Variants in CELSR1 observed in about 807,000 individuals in gnomAD.
CELSR1 encodes cadherin EGF LAG seven-pass G-type receptor 1, also known as adhesion G protein-coupled receptor C1.
A neutral mutation model predicts 249.1 loss-of-function variants in CELSR1; 110 were observed. That is an observed-to-expected ratio of 0.44 (90% CI 0.38 to 0.52). The LOEUF (loss-of-function observed/expected upper bound fraction) is 0.52. Ranked by LOEUF, CELSR1 falls within the 20% of genes least tolerant of loss-of-function variation. The pLI, the probability that CELSR1 is intolerant of heterozygous loss-of-function variation, is 0.00. For synonymous variants in CELSR1, 2,113 were observed against 1,900.0 expected (o/e 1.11, Z -2.92); for missense variants, 4,109 against 4,296.4 (o/e 0.96, Z 1.22).
chr22:46,535,850 C>T lies in CELSR1; in HGVS notation c.1321G>A (p.Ala441Thr), dbSNP rs2080847810. The change falls in exon 1 of 35, where the codon GCC becomes ACC. Residue 441 changes from alanine to threonine, a missense_variant. Ala to Thr is a moderately conservative substitution (Grantham distance 58, BLOSUM62 0). Coordinates refer to ENST00000674500, the MANE Select transcript of CELSR1 (RefSeq NM_001378328.1). ...ACCTCGATGTACACGGTGGCCGTGG[C>T]ACTGAGCGGGCCCGGATTGCGCCCC... Reference protein sequence around the residue: ...DQGRNPGPLSATATVYIEVED... With the variant: ...DQGRNPGPLSTTATVYIEVED... 1 of 1,611,480 alleles carries T rather than the reference C, an allele frequency of 6.2e-7. No individual in the cohort carries two copies. The highest frequency in any genetic ancestry group is 2.2e-5 in the East Asian group (1 of 44,876).
rs1181545024 is a variant in CELSR1 at position 46,397,824 on chromosome 22, T to C, written c.5551A>G (p.Thr1851Ala). 3.8e-6 allele frequency: 6 copies of C among 1,586,210 alleles called. No homozygotes were observed. In the East Asian group the frequency reaches 1.1e-4, roughly 30 times the overall value. The change falls in exon 12 of 35, where the codon ACC (threonine) becomes GCC (alanine). Residue 1851 changes from threonine to alanine, a missense_variant. By Grantham distance (58) the Thr-to-Ala change is moderately conservative (BLOSUM62 0). Transcript: ENST00000674500. ...MQGVRMGGTP[T>A]NVATLNMNNA... is the part of the protein sequence containing the mutation. ...TTCATGTTCAGGGTGGCGACGTTGG[T>C]GGGCGTCCCCCCCATCCTCACTCCC...
At chr22:46,376,843 C>T (rs1013699041) in intron 24 of CELSR1, among the ~76,000 whole-genome samples, 1 of 151,914 alleles carries the variant, frequency 6.6e-6, no homozygotes, top group African/African-American at 2.4e-5. Context: ...AAGGGCCCCC[C>T]ATCTCCCAAT....
intron 1 of CELSR1, among the ~76,000 whole-genome samples, chr22:46,475,580 G>A (rs2080199779): frequency 1.3e-5 from 2 of 150,620 alleles, no homozygotes; most frequent in Non-Finnish European, 1.5e-5. Context: ...TGCATTTAAT[G>A]CCACTGAACT....
intron 11 of CELSR1, 53 bp from the exon 12 acceptor site, chr22:46,397,901 G>A (rs1395356272): frequency 5.7e-6 from 8 of 1,397,630 alleles, no homozygotes; most frequent in African/African-American, 1.5e-5. Context: ...GGTATGTAGG[G>A]GTTAAGGGAA....
chr22:46,535,303 G>C lies in CELSR1; in HGVS notation c.1868C>G (p.Ala623Gly). 1.2e-6 allele frequency: 2 copies of C among 1,611,552 alleles called. No homozygotes were observed. Among genetic ancestry groups the C allele is most frequent in the South Asian group, 1.1e-5 (1 of 91,088 alleles). The stretch of plus-strand genomic sequence containing the variant: ...CTGGAAGGGGAAGTCAGGGGTGGGG[G>C]CAGGATTCTTAGGCCCAGCGCTGCC... The part of the protein sequence containing the change: ...GGGSAGPKNP[A>G]PTPDFPFQIH... Residue 623 changes from alanine (A) to glycine (G), a missense_variant, in exon 1 of 35, where the codon GCC becomes GGC. Physicochemically the swap from Ala to Gly is moderately conservative, Grantham distance 60. Around this residue, in one of 7 missense-constraint regions of CELSR1, gnomAD observed 886 missense variants for 896.5 expected, o/e 0.99. Transcript: ENST00000674500.
chr22:46,378,179 G>C (rs1478015006), intron 23 of CELSR1, among the ~76,000 whole-genome samples: 1 of 152,250 alleles, frequency 6.6e-6, no homozygotes, highest in African/African-American at 2.4e-5. Context: ...CCGAGGGAGA[G>C]CGCCCAGCAG....
chr22:46,456,605 G>C (rs2079954110), intron 2 of CELSR1, among the ~76,000 whole-genome samples: 1 of 142,514 alleles, frequency 7.0e-6, no homozygotes. Context: ...AGAGCTTGCA[G>C]TGAGCCGAGA....
chr22:46,379,960 C>G (rs912127607), intron 22 of CELSR1, among the ~76,000 whole-genome samples: 1 of 152,182 alleles, frequency 6.6e-6, no homozygotes, highest in Non-Finnish European at 1.5e-5. Flanking sequence ...TAAACAGAGA[C>G]AGCAAAAGTG....
rs1275815453 is a variant in CELSR1 at position 46,537,597 on chromosome 22, G to A, written c.-427C>T. Among the ~76,000 whole-genome samples the A allele has an allele frequency of 2.0e-5, 3 of 147,568 alleles. No homozygotes were observed. Among genetic ancestry groups the A allele is most frequent in the Non-Finnish European group, 4.5e-5 (3 of 66,248 alleles). ...CCGCGCCGCGCAGACCCCGGCGGCC[G>A]GCTGCTGCCTGGGCGGTGCGCTTGG... On this transcript the variant is annotated 5_prime_UTR_variant, in exon 1 of 35. Transcript: ENST00000674500. This position sits in a 1 kb window ranked among gnomAD's most constrained non-coding sequence, Gnocchi z 5.8.
chr22:46,519,961 T>C (rs1347431508), intron 1 of CELSR1, among the ~76,000 whole-genome samples: 7 of 150,400 alleles, frequency 4.7e-5, no homozygotes, highest in Non-Finnish European at 1.5e-5. Context: ...AACCTCTGCC[T>C]CCTGGGTTCA....
intron 9 of CELSR1, among the ~76,000 whole-genome samples, chr22:46,404,924 G>A (rs149246566): frequency 7.5e-4 from 114 of 152,036 alleles, no homozygotes; most frequent in Admixed American, 1.8e-3. Flanking sequence ...TCCTGAGTTC[G>A]AGTGATTCTC....
rs375013480 is a variant in CELSR1, at chr22:46,536,026, G to A, written c.1145C>T (p.Ser382Leu). The change falls in exon 1 of 35, where the codon TCG becomes TTG. Residue 382 changes from serine (S) to leucine (L), a missense_variant. Transcript: ENST00000674500. ...GTAACGCAAGTTGGCGTTGATGGGC[G>A]AGTCGCGGTCGCTGGCGCGGATGGT... ...VLTIRASDRDSPINANLRYRV... is the reference protein window; with the variant it reads ...VLTIRASDRDLPINANLRYRV... 5 of 1,610,370 alleles carry A rather than the reference G, an allele frequency of 3.1e-6. No homozygotes were observed. The highest frequency in any genetic ancestry group is 2.7e-5 in the African/African-American group (2 of 74,936).
At chr22:46,501,546 TAGG>T (rs1165277487) in intron 1 of CELSR1, among the ~76,000 whole-genome samples, 2 of 152,104 alleles carry the variant, frequency 1.3e-5, no homozygotes, top group Non-Finnish European at 2.9e-5. Context: ...AATAAGCTAA[TAGG>T]AGACCTTTTC....
At chr22:46,474,619 T>C (rs1872729381) in intron 1 of CELSR1, among the ~76,000 whole-genome samples, 1 of 152,134 alleles carries the variant, frequency 6.6e-6, no homozygotes, top group Admixed American at 6.6e-5. Context: ...TTTTGAAATA[T>C]ACAATACAAT....
In CELSR1 at chr22:46,535,632, G is replaced by C; in HGVS notation, c.1539C>G (p.Ser513Arg). ...AGGGGTTGATCACATCCAGGATCCC[G>C]CTCAGCGAGTGCAGGTAGAACTGGC... ...VAGQFYLHSL[S>R]GILDVINPLD... Residue 513 changes from serine to arginine, a missense_variant, in exon 1 of 35, where the codon AGC becomes AGG. Transcript: ENST00000674500. The C allele has an allele frequency of 6.2e-7, 1 of 1,613,362 alleles. No individual in the cohort carries two copies. The highest frequency in any genetic ancestry group is 8.5e-7 in the Non-Finnish European group (1 of 1,180,034).
rs535995571 is a variant in CELSR1, at chr22:46,439,340, C to T, written c.4255G>A (p.Val1419Met). The T allele has an allele frequency of 4.3e-6, 7 of 1,613,928 alleles. No individual in the cohort carries two copies. The highest frequency in any genetic ancestry group is 1.3e-5 in the African/African-American group (1 of 74,916). The part of the protein sequence containing the change: ...NGVCKNGGTC[V>M]NLLIGGFHCV... ...TGGAAGCCGCCGATGAGCAGGTTCACGCAGGTGCCCCCGTTCTTGCACACC... is the reference window on the plus strand; with the variant it reads ...TGGAAGCCGCCGATGAGCAGGTTCATGCAGGTGCCCCCGTTCTTGCACACC... Residue 1419 changes from valine (V) to methionine (M), a missense_variant, in exon 3 of 35, where the codon GTG becomes ATG. This residue lies in a region of CELSR1 where 453 missense variants were observed against 492.0 expected (regional missense o/e 0.92). Coordinates refer to ENST00000674500, the MANE Select transcript of CELSR1 (RefSeq NM_001378328.1).
chr22:46,457,486 G>A (rs1054316813), intron 2 of CELSR1, among the ~76,000 whole-genome samples: 1 of 152,204 alleles, frequency 6.6e-6, no homozygotes, highest in Non-Finnish European at 1.5e-5. Context: ...CCAGACATGA[G>A]GTGAGTGAAA....
chr22:46,432,164 G>A (rs1005618513), intron 5 of CELSR1, among the ~76,000 whole-genome samples: 2 of 152,212 alleles, frequency 1.3e-5, no homozygotes, highest in African/African-American at 4.8e-5. Context: ...TGGCACGCCT[G>A]GGAGATGATG....
rs1486025987 is a variant in CELSR1 at position 46,512,438 on chromosome 22, G to A, written c.3544+21189C>T. Among the ~76,000 whole-genome samples the A allele has an allele frequency of 6.6e-6, 1 of 152,166 alleles. No homozygotes were observed. Among genetic ancestry groups the A allele is most frequent in the Non-Finnish European group, 1.5e-5 (1 of 68,028 alleles). On this transcript the variant is annotated intron_variant, in intron 1 of 34. Coordinates refer to ENST00000674500, the MANE Select transcript of CELSR1 (RefSeq NM_001378328.1). This position sits in a 1 kb window ranked among gnomAD's most constrained non-coding sequence, Gnocchi z 5.2. ...TACAAAAAAATTAGCCCGGTGTGGTGGTGTACACCTATAATCCCAGCTACG... is the reference window on the plus strand; with the variant it reads ...TACAAAAAAATTAGCCCGGTGTGGTAGTGTACACCTATAATCCCAGCTACG...
Sources: allele counts gnomAD v4.1 joint callset (sites outside exome capture counted in the v4.1 genomes callset), GRCh38; gene constraint gnomAD v4.1.1; regional missense constraint gnomAD v4.1.1; non-coding constraint Gnocchi (gnomAD v3.1); transcripts MANE v1.5; gene names NCBI Gene and HGNC (gene_info 2026-07-23, HGNC 2026-07-21).